IQSEC1: variants seen among roughly 807,000 people sequenced by gnomAD.
IQSEC1 encodes the protein IQ motif and Sec7 domain ArfGEF 1, also known as IQ motif and SEC7 domain-containing protein 1.
IQSEC1 carries 31 observed loss-of-function variants against 91.0 expected under a neutral mutation model. The ratio of observed to expected loss-of-function variants is 0.34; its 90% confidence interval spans 0.26 to 0.46. IQSEC1 has a LOEUF of 0.46. Ranked by LOEUF, IQSEC1 falls within the 20% of genes least tolerant of loss-of-function variation. The pLI is 1.00. For synonymous variants in IQSEC1, 699 were observed against 662.6 expected, an observed-to-expected ratio of 1.05 and a Z score of -0.84; for missense variants, 1,388 against 1,575.6, an observed-to-expected ratio of 0.88 and a Z score of 2.02.
chr3:12,957,841 C>A (rs1244888965), intron 1 of IQSEC1, among the ~76,000 whole-genome samples: 1 of 152,234 alleles, frequency 6.6e-6, no homozygotes, highest in Non-Finnish European at 1.5e-5. Flanking sequence ...TAGAGTGGCA[C>A]GTTTTTACAG....
At chr3:13,209,475 C>T (rs1694404502) in intron 1 of IQSEC1, among the ~76,000 whole-genome samples, 4 of 152,240 alleles carry the variant, frequency 2.6e-5, no homozygotes, top group South Asian at 4.1e-4. Context: ...CCAGCTTCCT[C>T]GCGCAGGCTG....
intron 7 of IQSEC1, 23 bp from the exon 8 acceptor site, chr3:12,915,156 C>CA: frequency 6.2e-7 from 1 of 1,605,614 alleles, no homozygotes; most frequent in Non-Finnish European, 8.5e-7. Context: ...GTGAAACCAA[C>CA]AAAAGGGTGT....
intron 2 of IQSEC1, among the ~76,000 whole-genome samples, chr3:13,113,934 C>T (rs1706294498): frequency 6.6e-6 from 1 of 152,256 alleles, no homozygotes; most frequent in South Asian, 2.1e-4. Context: ...CACCAAATGA[C>T]TCATGTCAAA....
intron 1 of IQSEC1, among the ~76,000 whole-genome samples, chr3:13,224,661 A>G (rs1694720994): frequency 1.3e-5 from 2 of 152,068 alleles, no homozygotes; most frequent in South Asian, 2.1e-4. Flanking sequence ...ACCAAGATGG[A>G]CCCAGGACGG....
intron 1 of IQSEC1, among the ~76,000 whole-genome samples, chr3:12,976,867 C>G (rs1180760163): frequency 6.6e-6 from 1 of 152,206 alleles, no homozygotes; most frequent in East Asian, 1.9e-4. Context: ...TTCCCTCTCC[C>G]CATGCTTATC....
chr3:12,908,291 C>A lies in IQSEC1; in HGVS notation c.2755+58G>T. The A allele has an allele frequency of 2.5e-6, 4 of 1,575,170 alleles. No individual in the cohort carries two copies. Among genetic ancestry groups the A allele is most frequent in the Non-Finnish European group, 8.7e-7 (1 of 1,154,828 alleles). On this transcript the variant is annotated intron_variant, in intron 12 of 13. Transcript: ENST00000613206. The surrounding 1 kb of genome is among the most constrained non-coding windows in gnomAD (Gnocchi z 4.9). ...GTGATGCATGCCCTGAATGCAGACG[C>A]CCTGCCTCGGTCTTGCATGCGCTGG...
At chr3:13,276,743 C>A (rs1695689099) in intron 1 of IQSEC1, among the ~76,000 whole-genome samples, 1 of 152,176 alleles carries the variant, frequency 6.6e-6, no homozygotes, top group African/African-American at 2.4e-5. Flanking sequence ...ACAGAAGCAC[C>A]CAACGTTTGC....
At chr3:13,192,114 T>A (rs1022152612) in intron 1 of IQSEC1, among the ~76,000 whole-genome samples, 20 of 151,962 alleles carry the variant, frequency 1.3e-4, no homozygotes, top group Admixed American at 1.3e-4. Flanking sequence ...GGCGGGCGGA[T>A]CACGAGGTCA....
At chr3:13,155,111 C>CA (rs1012795972) in intron 2 of IQSEC1, among the ~76,000 whole-genome samples, 41 of 151,888 alleles carry the variant, frequency 2.7e-4, no homozygotes, top group African/African-American at 9.7e-4. Context: ...ATGCTGGCAG[C>CA]AAAAGAAAAT....
chr3:13,092,323 G>A (rs1344454301), intron 2 of IQSEC1, among the ~76,000 whole-genome samples: 5 of 152,150 alleles, frequency 3.3e-5, no homozygotes, highest in Admixed American at 3.3e-4. Flanking sequence ...GTAATGCTCA[G>A]AAGTTCCAGC....
intron 1 of IQSEC1, among the ~76,000 whole-genome samples, chr3:13,176,490 G>C (rs1693732281): frequency 6.6e-6 from 1 of 152,114 alleles, no homozygotes; most frequent in Admixed American, 6.5e-5. Context: ...AGAAAACCAT[G>C]GTCTCTCTCT....
At chr3:13,095,026 G>T (rs960385342) in intron 2 of IQSEC1, among the ~76,000 whole-genome samples, 5 of 152,018 alleles carry the variant, frequency 3.3e-5, no homozygotes, top group African/African-American at 9.7e-5. Flanking sequence ...GCCACACCTG[G>T]GCAAACGCTA....
In IQSEC1 at chr3:13,222,311, C is replaced by T. The variant is rs1362155909; in HGVS notation, c.273-58178G>A. 5.9e-5 allele frequency among the ~76,000 whole-genome samples: 9 copies of T among 152,304 alleles called. No homozygotes were observed. The East Asian group carries it at 1.5e-3, about 26-fold the overall frequency. On this transcript the variant is annotated intron_variant, in intron 1 of 15. Transcript: ENST00000648114. The stretch of plus-strand genomic sequence containing the variant: ...ATCCCTGTTGCAGCGCAGCACAGAA[C>T]GCCCTTCCTTTTTAGGGTGAATCAT...
intron 1 of IQSEC1, among the ~76,000 whole-genome samples, chr3:13,279,927 CT>C (rs1324965837): frequency 1.3e-5 from 2 of 152,202 alleles, no homozygotes; most frequent in Non-Finnish European, 1.5e-5. Flanking sequence ...CCTCCTGCCC[CT>C]GGCTCCAAAG....
At chr3:13,206,487 A>C (rs1410750241) in intron 1 of IQSEC1, among the ~76,000 whole-genome samples, 1 of 152,234 alleles carries the variant, frequency 6.6e-6, no homozygotes, top group Non-Finnish European at 1.5e-5. Flanking sequence ...TGAAAACACC[A>C]AATGAATGTA....
intron 1 of IQSEC1, among the ~76,000 whole-genome samples, chr3:13,263,567 CAAGT>C (rs1220679352): frequency 6.6e-6 from 1 of 152,028 alleles, no homozygotes; most frequent in Non-Finnish European, 1.5e-5. Flanking sequence ...CTCATCCTCC[CAAGT>C]AGCTGGGATT....
Position 12,967,404 on chromosome 3 carries a change from C to G in IQSEC1, c.24-25539G>C. ...GCCCTCACCCGCTGTCAAGCTCTAG[C>G]TCCAGAAGGGACTGGGTCCTCTCCG... On this transcript the variant is annotated intron_variant, in intron 1 of 13. Transcript: ENST00000613206. The surrounding 1 kb of genome is among the most constrained non-coding windows in gnomAD (Gnocchi z 5.9). 6.5e-7 allele frequency: 1 copy of G among 1,536,050 alleles called. No individual in the cohort carries two copies. Among genetic ancestry groups the G allele is most frequent in the Non-Finnish European group, 8.7e-7 (1 of 1,144,924 alleles).
exon 1 of IQSEC1, among the ~76,000 whole-genome samples, chr3:13,283,029 GGGC>G (rs1458790722): frequency 6.9e-6 from 1 of 145,404 alleles, no homozygotes; most frequent in Non-Finnish European, 1.5e-5. Context: ...GCGGGCGGCG[GGGC>G]GGCGGCGGCG....
intron 1 of IQSEC1, among the ~76,000 whole-genome samples, chr3:13,062,653 G>A (rs148979480): frequency 5.9e-5 from 9 of 152,260 alleles, no homozygotes; most frequent in African/African-American, 2.2e-4. Flanking sequence ...ACAGACACCC[G>A]AACAAGGAAG....
Sources: allele counts gnomAD v4.1 joint callset (sites outside exome capture counted in the v4.1 genomes callset), GRCh38; gene constraint gnomAD v4.1.1; non-coding constraint Gnocchi (gnomAD v3.1); transcripts MANE v1.5; gene names NCBI Gene and HGNC (gene_info 2026-07-23, HGNC 2026-07-21).